Variants in CACHD1 observed in about 807,000 individuals in gnomAD.
CACHD1 encodes the protein VWFA and cache domain-containing protein 1.
Under a neutral mutation model 138.7 loss-of-function variants are expected in CACHD1, and 71 were observed. The ratio of observed to expected loss-of-function variants is 0.51; its 90% CI spans 0.42 to 0.62. The LOEUF (loss-of-function observed/expected upper bound fraction) is 0.62. Among genes scored for constraint, CACHD1 ranks in the 20% least tolerant of loss-of-function variants. CACHD1 has a pLI of 0.00. For missense variants in CACHD1, 1,389 were observed against 1,625.3 expected (o/e 0.85, Z 2.50); for synonymous variants, 578 against 591.5 (o/e 0.98, Z 0.33).
intron 26 of CACHD1, among the ~76,000 whole-genome samples, chr1:64,687,880 A>G (rs1169315784): frequency 6.6e-6 from 1 of 152,110 alleles, no homozygotes; most frequent in East Asian, 1.9e-4. Flanking sequence ...GGAACTTACA[A>G]TTTAAGAAAG....
At chr1:64,597,915 G>A (rs1647170144) in intron 3 of CACHD1, among the ~76,000 whole-genome samples, 1 of 152,140 alleles carries the variant, frequency 6.6e-6, no homozygotes, top group Non-Finnish European at 1.5e-5. Context: ...AGTGTCCTAA[G>A]TATGAGCTTT....
intron 1 of CACHD1, among the ~76,000 whole-genome samples, chr1:64,537,048 G>T (rs1646638372): frequency 1.3e-5 from 2 of 152,100 alleles, no homozygotes; most frequent in African/African-American, 4.8e-5. Context: ...TGCCTCTCTA[G>T]GTGAGCAGGA....
rs557724773 is a variant in CACHD1 at position 64,648,097 on chromosome 1, C to T, written c.1390+63C>T. On this transcript the variant is annotated intron_variant, in intron 9 of 26. Coordinates refer to ENST00000651257, the MANE Select transcript of CACHD1 (RefSeq NM_020925.4). ...AAGAACTGGGCAGATAGAAATGGCA[C>T]CTCTTTCTCAGGATCATAGGGTTTC... The T allele has an allele frequency of 1.1e-3, 1,411 of 1,262,332 alleles. 2 individuals are homozygous for T. Among genetic ancestry groups the T allele is most frequent in the African/African-American group, 3.4e-3 (231 of 67,528 alleles). 78.2% of individuals were successfully genotyped at this position (1,262,332 alleles called of 1,614,324 possible).
chr1:64,477,012 C>A (rs1002343490), intron 1 of CACHD1, among the ~76,000 whole-genome samples: 1 of 152,176 alleles, frequency 6.6e-6, no homozygotes, highest in African/African-American at 2.4e-5. Context: ...GAAGGGACAA[C>A]AGGGACAAGA....
chr1:64,678,436 C>A, intron 23 of CACHD1, 126 bp downstream of exon 23: 1 of 1,006,394 alleles, frequency 9.9e-7, no homozygotes, highest in Non-Finnish European at 1.4e-6. Flanking sequence ...TCTTTAGTTA[C>A]AAAACCAAGG....
intron 1 of CACHD1, among the ~76,000 whole-genome samples, chr1:64,481,483 A>G (rs1411905670): frequency 6.6e-6 from 1 of 152,226 alleles, no homozygotes. Flanking sequence ...TTGCATTAGC[A>G]GAGACTGACA....
intron 10 of CACHD1, 92 bp from the exon 11 acceptor site, chr1:64,653,666 G>C (rs1023375692): frequency 2.8e-5 from 38 of 1,334,680 alleles, no homozygotes; most frequent in Non-Finnish European, 3.8e-5. Flanking sequence ...GTATCGGGCA[G>C]CCAGCCCAGA....
chr1:64,630,793 A>G (rs1047764382), intron 5 of CACHD1, among the ~76,000 whole-genome samples: 21 of 152,206 alleles, frequency 1.4e-4, no homozygotes, highest in Admixed American at 9.2e-4. Flanking sequence ...ACCTGTGAAG[A>G]AAAGTTTAAA....
intron 9 of CACHD1, among the ~76,000 whole-genome samples, chr1:64,650,276 T>C (rs1410488140): frequency 6.6e-6 from 1 of 151,912 alleles, no homozygotes; most frequent in African/African-American, 2.4e-5. Context: ...AGTCACAGAG[T>C]ATTTCTGTTG....
chr1:64,623,416 G>C (rs1489870734), intron 4 of CACHD1, among the ~76,000 whole-genome samples: 1 of 150,988 alleles, frequency 6.6e-6, no homozygotes, highest in African/African-American at 2.5e-5. Context: ...AAAAAAAATG[G>C]CATTAGAAGA....
chr1:64,671,305 C>T (rs944990116), intron 16 of CACHD1, among the ~76,000 whole-genome samples: 1 of 152,006 alleles, frequency 6.6e-6, no homozygotes, highest in South Asian at 2.1e-4. Context: ...ACTCTCTGAA[C>T]GTCATATTTC....
intron 3 of CACHD1, among the ~76,000 whole-genome samples, chr1:64,599,862 C>T (rs761312758): frequency 3.3e-5 from 5 of 152,198 alleles, no homozygotes; most frequent in Non-Finnish European, 5.9e-5. Flanking sequence ...ATGCTGAAAG[C>T]GACGTGCTCT....
intron 5 of CACHD1, among the ~76,000 whole-genome samples, chr1:64,631,064 G>A (rs553399163): frequency 4.6e-5 from 7 of 152,310 alleles, no homozygotes; most frequent in African/African-American, 1.7e-4. Flanking sequence ...AAAGGAAGTG[G>A]TAGATACCAG....
intron 4 of CACHD1, among the ~76,000 whole-genome samples, chr1:64,624,194 G>A (rs866777218): frequency 2.6e-5 from 4 of 152,340 alleles, no homozygotes; most frequent in Middle Eastern, 6.8e-3. Flanking sequence ...TTAATCAGAT[G>A]CCAAAGGAGT....
Position 64,539,955 on chromosome 1 carries a change from A to AT in CACHD1, c.199-10632dup, listed in dbSNP as rs995416211. Among the ~76,000 whole-genome samples, 208 of 152,116 alleles carry AT rather than the reference A, an allele frequency of 1.4e-3. 1 individual carries two copies. The highest frequency in any genetic ancestry group is 4.8e-3 in the African/African-American group (199 of 41,512). On this transcript the variant is annotated intron_variant, in intron 1 of 26. Coordinates refer to ENST00000651257, the MANE Select transcript of CACHD1 (RefSeq NM_020925.4). ...ATTGCACTGTTCACTGTTGCTTTTT[A>AT]TTTTTTTATTCCTAATTTCTCTTTC...
intron 22 of CACHD1, among the ~76,000 whole-genome samples, chr1:64,677,631 G>A (rs1650040340): frequency 6.6e-6 from 1 of 152,194 alleles, no homozygotes; most frequent in Non-Finnish European, 1.5e-5. Context: ...AATTTGGGAT[G>A]TTATACAGTA....
At chr1:64,615,807 C>T (rs753907251) in intron 4 of CACHD1, among the ~76,000 whole-genome samples, 4 of 152,130 alleles carry the variant, frequency 2.6e-5, no homozygotes, top group African/African-American at 7.2e-5. Context: ...TAATGTATTC[C>T]AGAGTCACAT....
intron 3 of CACHD1, among the ~76,000 whole-genome samples, chr1:64,594,032 T>C (rs556848465): frequency 7.2e-5 from 11 of 152,064 alleles, no homozygotes; most frequent in Admixed American, 2.6e-4. Context: ...GGCGTGGGGA[T>C]CATCTGAGGT....
At chr1:64,517,792 C>T (rs1646469591) in intron 1 of CACHD1, among the ~76,000 whole-genome samples, 1 of 152,134 alleles carries the variant, frequency 6.6e-6, no homozygotes. Context: ...CACCTTTACC[C>T]GATTACTCTT....
Sources: gnomAD v4.1 joint callset for allele counts (sites outside exome capture counted in the v4.1 genomes callset) on GRCh38, gnomAD v4.1.1 for gene constraint, MANE v1.5 for transcripts, NCBI Gene and HGNC (gene_info 2026-07-23, HGNC 2026-07-21) for gene names.